Variants in ZNF521 observed in about 807,000 individuals in gnomAD.
The protein encoded by ZNF521 is LYST-interacting protein 3.
Under a neutral mutation model 105.5 loss-of-function variants are expected in ZNF521, and 14 were observed. The ratio of observed to expected loss-of-function variants is 0.13; its 90% CI spans 0.09 to 0.21. ZNF521 has a LOEUF of 0.21. Ranked by LOEUF, ZNF521 falls within the 10% of genes least tolerant of loss-of-function variation. The pLI is 1.00. For missense variants in ZNF521, 1,233 were observed against 1,629.7 expected, an observed-to-expected ratio of 0.76 and a Z score of 4.19; for synonymous variants, 635 against 606.0, an observed-to-expected ratio of 1.05 and a Z score of -0.70.
intron 4 of ZNF521, among the ~76,000 whole-genome samples, chr18:25,219,391 A>G (rs1905545707): frequency 1.3e-5 from 2 of 152,176 alleles, no homozygotes; most frequent in Admixed American, 1.3e-4. Context: ...AAAACATAAG[A>G]AAAAATGCAG....
chr18:25,208,409 C>A (rs73407195), intron 4 of ZNF521, among the ~76,000 whole-genome samples: 2 of 152,062 alleles, frequency 1.3e-5, no homozygotes, highest in East Asian at 3.9e-4. Context: ...AATCTAGAAA[C>A]AATTATGGTG....
chr18:25,219,264 T>C (rs1391841778), intron 4 of ZNF521, among the ~76,000 whole-genome samples: 1 of 152,128 alleles, frequency 6.6e-6, no homozygotes, highest in Non-Finnish European at 1.5e-5. Flanking sequence ...CTCTATCTCC[T>C]GGAATGTTCA....
chr18:25,131,779 A>C (rs2034645783), intron 5 of ZNF521, among the ~76,000 whole-genome samples: 1 of 152,196 alleles, frequency 6.6e-6, no homozygotes, highest in African/African-American at 2.4e-5. Context: ...ATATTTTAAT[A>C]GTTCACACTT....
intron 3 of ZNF521, among the ~76,000 whole-genome samples, chr18:25,229,999 G>C (rs1906430136): frequency 6.6e-6 from 1 of 152,158 alleles, no homozygotes; most frequent in Non-Finnish European, 1.5e-5. Context: ...GCTTAATTCA[G>C]GTTCTTGTCT....
intron 4 of ZNF521, among the ~76,000 whole-genome samples, chr18:25,209,834 T>A (rs1390833558): frequency 1.3e-5 from 2 of 152,210 alleles, no homozygotes; most frequent in Non-Finnish European, 2.9e-5. Flanking sequence ...CCTGACACTA[T>A]CTCTGACCTC....
intron 3 of ZNF521, among the ~76,000 whole-genome samples, chr18:25,240,438 G>A (rs564282659): frequency 1.6e-4 from 24 of 152,262 alleles, no homozygotes; most frequent in Admixed American, 1.4e-3. Flanking sequence ...GTGGGGAACA[G>A]TAGTCAAGAG....
At chr18:25,130,294 T>C (rs1174998241) in intron 5 of ZNF521, among the ~76,000 whole-genome samples, 3 of 152,054 alleles carry the variant, frequency 2.0e-5, no homozygotes, top group African/African-American at 7.2e-5. Flanking sequence ...GGCAAAACTA[T>C]GGAGACAGTA....
intron 5 of ZNF521, among the ~76,000 whole-genome samples, chr18:25,167,814 T>G (rs1411157359): frequency 6.6e-6 from 1 of 152,148 alleles, no homozygotes; most frequent in African/African-American, 2.4e-5. Context: ...TTCCCACAAA[T>G]CACAGATTGC....
At chr18:25,068,824 C>A (rs2033141679) in intron 7 of ZNF521, among the ~76,000 whole-genome samples, 2 of 152,166 alleles carry the variant, frequency 1.3e-5, no homozygotes, top group African/African-American at 4.8e-5. Context: ...GAAGCATATA[C>A]TGTACGTGAC....
chr18:25,135,952 C>T (rs556258303), intron 5 of ZNF521, among the ~76,000 whole-genome samples: 66 of 151,984 alleles, frequency 4.3e-4, no homozygotes, highest in Non-Finnish European at 5.9e-4. Flanking sequence ...TTGTTAAAAA[C>T]GTGAAGGCTT....
intron 7 of ZNF521, among the ~76,000 whole-genome samples, chr18:25,078,661 ATC>A (rs1437423367): frequency 6.6e-6 from 1 of 152,204 alleles, no homozygotes; most frequent in Non-Finnish European, 1.5e-5. Flanking sequence ...ATGGCATCAC[ATC>A]TGTTAAATGC....
At chr18:25,088,420 C>T (rs910222081) in intron 7 of ZNF521, among the ~76,000 whole-genome samples, 2 of 151,752 alleles carry the variant, frequency 1.3e-5, no homozygotes, top group African/African-American at 4.8e-5. Context: ...GGGGTTTCAC[C>T]GTGTTAGCCA....
At chr18:25,092,639 AT>A (rs1456250779) in intron 5 of ZNF521, among the ~76,000 whole-genome samples, 1 of 152,088 alleles carries the variant, frequency 6.6e-6, no homozygotes. Context: ...AGTCTCCCAT[AT>A]TCTTCCTAGT....
At chr18:25,201,670 G>A (rs1357664990) in intron 4 of ZNF521, 1 of 152,166 alleles carries the variant, frequency 6.6e-6, no homozygotes, top group Admixed American at 6.6e-5. Context: ...AAGGACGAGT[G>A]TCAGATTTGG....
At chr18:25,074,127 C>A (rs956563682) in intron 7 of ZNF521, among the ~76,000 whole-genome samples, 2 of 152,142 alleles carry the variant, frequency 1.3e-5, no homozygotes, top group African/African-American at 2.4e-5. Flanking sequence ...TCCATTTCCA[C>A]GCCTAAGCGA....
At chr18:25,343,427 G>A (rs990997227) in intron 2 of ZNF521, among the ~76,000 whole-genome samples, 6 of 152,088 alleles carry the variant, frequency 3.9e-5, no homozygotes, top group African/African-American at 1.5e-4. Context: ...GTATGTTTCC[G>A]TGTATATAGA....
chr18:25,084,764 T>G (rs1201344223), intron 7 of ZNF521, among the ~76,000 whole-genome samples: 1 of 152,200 alleles, frequency 6.6e-6, no homozygotes, highest in East Asian at 1.9e-4. Flanking sequence ...GTGGACACAT[T>G]GGGAGAGAGG....
chr18:25,351,938 G>A (rs1914810678), intron 1 of ZNF521, 67 bp downstream of exon 1: 3 of 308,828 alleles, frequency 9.7e-6, no homozygotes, highest in South Asian at 2.5e-5. Flanking sequence ...AGGAGGAGGA[G>A]GAGGAGGAGA....
intron 7 of ZNF521, among the ~76,000 whole-genome samples, chr18:25,080,064 C>G (rs1184014072): frequency 6.6e-6 from 1 of 152,190 alleles, no homozygotes; most frequent in African/African-American, 2.4e-5. Context: ...GAGCTGCTAT[C>G]AAGGCAGGGG....
Sources: gnomAD v4.1 joint callset for allele counts (sites outside exome capture counted in the v4.1 genomes callset) on GRCh38, gnomAD v4.1.1 for gene constraint, MANE v1.5 for transcripts, NCBI Gene and HGNC (gene_info 2026-07-23, HGNC 2026-07-21) for gene names.